Variants in DIPK1A observed in about 807,000 individuals in gnomAD.
DIPK1A encodes divergent protein kinase domain 1A.
A neutral mutation model predicts 40.8 loss-of-function variants in DIPK1A; 27 were observed. The ratio of observed to expected loss-of-function variants is 0.66; its 90% CI spans 0.49 to 0.91. The LOEUF (loss-of-function observed/expected upper bound fraction) is 0.91, where lower values mean the gene tolerates loss of function less well. Among genes scored for constraint, DIPK1A ranks in the 40% least tolerant of loss-of-function variants. The pLI is 0.00. For synonymous variants in DIPK1A, 166 were observed against 171.3 expected, an observed-to-expected ratio of 0.97 and a Z score of 0.24; for missense variants, 412 against 505.7, an observed-to-expected ratio of 0.81 and a Z score of 1.78.
At chr1:92,837,604 T>C (rs1358595009), downstream of DIPK1A, 1 of 1,612,154 alleles carries the variant, frequency 6.2e-7, no homozygotes, top group Non-Finnish European at 8.5e-7. Flanking sequence ...GTTCTCTCAA[T>C]ACATAAAGAA....
At chr1:92,882,636 A>G (rs759774774) in intron 1 of DIPK1A, among the ~76,000 whole-genome samples, 9 of 152,216 alleles carry the variant, frequency 5.9e-5, no homozygotes, top group Non-Finnish European at 1.3e-4. Context: ...ATGCTGATAC[A>G]TATAGCCAGT....
chr1:92,868,050 G>GA (rs1194986711), intron 2 of DIPK1A, among the ~76,000 whole-genome samples: 1 of 152,214 alleles, frequency 6.6e-6, no homozygotes, highest in Non-Finnish European at 1.5e-5. Context: ...ATCAGTGTTA[G>GA]ATTATCAGGT....
intron 1 of DIPK1A, among the ~76,000 whole-genome samples, chr1:92,929,666 T>G (rs533751899): frequency 6.6e-6 from 1 of 152,222 alleles, no homozygotes; most frequent in Non-Finnish European, 1.5e-5. Context: ...GTTTACAATA[T>G]ATAAATACAT....
chr1:92,835,660 CA>C (rs11417383), intron 4 of DIPK1A, among the ~76,000 whole-genome samples: 5,319 of 123,302 alleles, frequency 0.043, 142 homozygotes, highest in African/African-American at 0.092. Context: ...AACTGTGTCT[CA>C]AAAAAAAAAA....
chr1:92,868,965 TA>T (rs33962424), intron 2 of DIPK1A, among the ~76,000 whole-genome samples: 59 of 136,630 alleles, frequency 4.3e-4, no homozygotes, highest in Non-Finnish European at 4.5e-4. Context: ...GACTCAATCT[TA>T]AAAAAAAAAA....
chr1:92,838,493 C>T (rs1687210196), downstream of DIPK1A, among the ~76,000 whole-genome samples: 1 of 152,206 alleles, frequency 6.6e-6, no homozygotes, highest in Admixed American at 6.5e-5. Context: ...CCAGTTTGTG[C>T]TTTCAGATGT....
intron 1 of DIPK1A, among the ~76,000 whole-genome samples, chr1:92,877,311 T>C (rs1286340401): frequency 3.3e-5 from 5 of 152,190 alleles, no homozygotes; most frequent in African/African-American, 1.2e-4. Flanking sequence ...TCTGGTTTTA[T>C]AAACAGCAGA....
At chr1:92,897,142 A>T in intron 1 of DIPK1A, among the ~76,000 whole-genome samples, 1 of 152,270 alleles carries the variant, frequency 6.6e-6, no homozygotes, top group East Asian at 1.9e-4. Context: ...TGACCCAGCC[A>T]TCCCATTACT....
intron 2 of DIPK1A, among the ~76,000 whole-genome samples, chr1:92,855,576 T>C (rs985998499): frequency 6.6e-6 from 1 of 151,584 alleles, no homozygotes; most frequent in African/African-American, 2.4e-5. Context: ...TGGTGGTGTG[T>C]GCCTGTAGTC....
At chr1:92,945,790 G>A (rs1571147488) in intron 1 of DIPK1A, among the ~76,000 whole-genome samples, 1 of 152,180 alleles carries the variant, frequency 6.6e-6, no homozygotes, top group African/African-American at 2.4e-5. Context: ...TTGGGGAGCG[G>A]ATGACAGAAG....
At chr1:92,950,282 G>C (rs183910397) in intron 1 of DIPK1A, among the ~76,000 whole-genome samples, 4 of 152,336 alleles carry the variant, frequency 2.6e-5, no homozygotes, top group Admixed American at 2.0e-4. Flanking sequence ...AGAGCATGTT[G>C]TCTGGAAACT....
rs549819143 is a variant in DIPK1A, at chr1:92,863,479, C to T, written c.190-12524G>A. Among the ~76,000 whole-genome samples the T allele has an allele frequency of 2.1e-4, 32 of 151,048 alleles. No individual in the cohort carries two copies. In the South Asian group the frequency reaches 6.7e-3, roughly 32 times the overall value. On this transcript the variant is annotated intron_variant, in intron 2 of 4. Transcript: ENST00000370310. ...GGCAGTGGTGGCTCATGCCTACAAT[C>T]CCAGCACTTTGGGAGGCTGAGGTGG...
downstream of DIPK1A, among the ~76,000 whole-genome samples, chr1:92,838,317 G>T (rs1039717232): frequency 6.6e-6 from 1 of 152,152 alleles, no homozygotes; most frequent in Admixed American, 6.5e-5. Context: ...AATAATGTAG[G>T]TGCATGTTAA....
At chr1:92,857,263 A>T (rs911683177) in intron 2 of DIPK1A, among the ~76,000 whole-genome samples, 3 of 151,566 alleles carry the variant, frequency 2.0e-5, no homozygotes, top group African/African-American at 7.3e-5. Flanking sequence ...TGAAGCAAAT[A>T]TGGCAAAAGG....
chr1:92,846,303 C>T (rs2100714061), intron 4 of DIPK1A: 4 of 154,284 alleles, frequency 2.6e-5, no homozygotes, highest in African/African-American at 9.6e-5. Flanking sequence ...CATTCACAAT[C>T]CTTTTAGTTT....
intron 1 of DIPK1A, among the ~76,000 whole-genome samples, chr1:92,888,738 T>G (rs552701055): frequency 6.6e-6 from 1 of 152,364 alleles, no homozygotes; most frequent in East Asian, 1.9e-4. Flanking sequence ...TGGGTTTAGA[T>G]ATCTCATTGT....
At chr1:92,934,463 C>T (rs1315541159) in intron 1 of DIPK1A, among the ~76,000 whole-genome samples, 1 of 151,588 alleles carries the variant, frequency 6.6e-6, no homozygotes, top group Non-Finnish European at 1.5e-5. Context: ...ATCTAGGAGA[C>T]TAGTTTAAAA....
At chr1:92,840,614 C>T (rs772751064), downstream of DIPK1A, 3 of 1,610,856 alleles carry the variant, frequency 1.9e-6, no homozygotes, top group Non-Finnish European at 2.5e-6. Context: ...TGAAAAGAAG[C>T]CCAAGAAAGA....
chr1:92,841,954 C>A, downstream of DIPK1A: 1 of 1,083,606 alleles, frequency 9.2e-7, no homozygotes, highest in Non-Finnish European at 1.3e-6. Flanking sequence ...TTCTTATGAA[C>A]CTTATAGGAA....
Sources: allele counts gnomAD v4.1 joint callset (sites outside exome capture counted in the v4.1 genomes callset), GRCh38; gene constraint gnomAD v4.1.1; transcripts MANE v1.5; gene names NCBI Gene and HGNC (gene_info 2026-07-23, HGNC 2026-07-21).